ITGB6: variants seen among roughly 807,000 people sequenced by gnomAD.
ITGB6 encodes integrin subunit beta 6.
Under a neutral mutation model 84.5 loss-of-function variants are expected in ITGB6, and 80 were observed. The observed-to-expected ratio is 0.95, with a 90% CI of 0.79 to 1.14. The LOEUF is 1.14. ITGB6 is among the 50% of genes most tolerant of loss of function. The probability of loss-of-function intolerance (pLI) is 0.00; values close to 1 mark genes in which losing one functional copy is unlikely to be tolerated. For synonymous variants in ITGB6, 383 were observed against 354.9 expected (o/e 1.08, Z -0.89); for missense variants, 1,006 against 968.0 (o/e 1.04, Z -0.52).
intron 10 of ITGB6, among the ~76,000 whole-genome samples, chr2:160,130,465 T>C (rs541692509): frequency 6.6e-6 from 1 of 152,172 alleles, no homozygotes; most frequent in Non-Finnish European, 1.5e-5. Flanking sequence ...ATAACATTAC[T>C]GTAAGTCGAG....
intron 12 of ITGB6, among the ~76,000 whole-genome samples, chr2:160,121,401 T>C (rs927815983): frequency 6.6e-6 from 1 of 152,182 alleles, no homozygotes; most frequent in Non-Finnish European, 1.5e-5. Flanking sequence ...AGGGGCGCCT[T>C]TTTCTATGTA....
At chr2:160,102,038 T>A (rs567003978) in intron 14 of ITGB6, among the ~76,000 whole-genome samples, 8 of 152,334 alleles carry the variant, frequency 5.3e-5, no homozygotes, top group African/African-American at 1.9e-4. Context: ...AAGTCCCATA[T>A]GTATATTCTA....
At chr2:160,107,646 C>A in intron 14 of ITGB6, 33 bp downstream of exon 14, 1 of 1,606,680 alleles carries the variant, frequency 6.2e-7, no homozygotes, top group Non-Finnish European at 8.5e-7. Context: ...TCTTTCTCCC[C>A]TAGACAAGGA....
chr2:160,119,651 T>C (rs868561242), intron 12 of ITGB6, among the ~76,000 whole-genome samples: 3 of 151,918 alleles, frequency 2.0e-5, no homozygotes, highest in African/African-American at 4.8e-5. Flanking sequence ...GCAACAAAAG[T>C]CAAAATTAAC....
Position 160,126,523 on chromosome 2 carries a change from G to T in ITGB6, c.1739C>A (p.Thr580Lys), listed in dbSNP as rs769022285. ...TGEYCNCTTS[T>K]DSCVSEDGVL... ...TCCATCTTCAGAGACGCAGGAGTCCGTGCTGGTGGTGCAGTTGCAGTACTC... is the reference window on the plus strand; with the variant it reads ...TCCATCTTCAGAGACGCAGGAGTCCTTGCTGGTGGTGCAGTTGCAGTACTC... Residue 580 changes from threonine (T) to lysine (K), a missense_variant, in exon 11 of 15, where the codon ACG becomes AAG. Coordinates refer to ENST00000283249, the MANE Select transcript of ITGB6 (RefSeq NM_000888.5). The T allele has an allele frequency of 5.6e-6, 9 of 1,613,982 alleles. No individual in the cohort carries two copies. The highest frequency in any genetic ancestry group is 7.6e-6 in the Non-Finnish European group (9 of 1,180,020).
At chr2:160,170,760 T>C (rs1685171548) in intron 6 of ITGB6, among the ~76,000 whole-genome samples, 1 of 152,204 alleles carries the variant, frequency 6.6e-6, no homozygotes, top group Non-Finnish European at 1.5e-5. Context: ...GTCTCTGGCT[T>C]CTGTGGATTT....
At chr2:160,137,259 A>G (rs1683777112) in intron 10 of ITGB6, among the ~76,000 whole-genome samples, 175 bp downstream of exon 10, 1 of 152,166 alleles carries the variant, frequency 6.6e-6, no homozygotes, top group Non-Finnish European at 1.5e-5. Flanking sequence ...CCCCAAGTGA[A>G]TGTTAGAGCC....
chr2:160,143,700 A>G (rs1287435141), intron 7 of ITGB6, among the ~76,000 whole-genome samples: 2 of 152,184 alleles, frequency 1.3e-5, no homozygotes, highest in Non-Finnish European at 1.5e-5. Flanking sequence ...ATTCTATCTT[A>G]TTTAAAGAAG....
chr2:160,106,473 A>G (rs908828661), intron 14 of ITGB6, among the ~76,000 whole-genome samples: 3 of 152,146 alleles, frequency 2.0e-5, no homozygotes, highest in African/African-American at 7.2e-5. Context: ...AGCTCAAGTG[A>G]TCCAATCCTC....
At chr2:160,195,645 AG>A in intron 3 of ITGB6, 30 bp from the exon 4 acceptor site, 1 of 1,611,462 alleles carries the variant, frequency 6.2e-7, no homozygotes, top group Non-Finnish European at 8.5e-7. Flanking sequence ...AAGCAAACCC[AG>A]GAAAACACAC....
chr2:160,125,130 C>T (rs779001591), intron 11 of ITGB6, among the ~76,000 whole-genome samples: 2 of 92,262 alleles, frequency 2.2e-5, no homozygotes, highest in African/African-American at 4.0e-5. Context: ...AGATGTCTAT[C>T]TTTCCCACTA....
intron 10 of ITGB6, among the ~76,000 whole-genome samples, chr2:160,133,578 C>T (rs1011303093): frequency 1.4e-4 from 22 of 152,148 alleles, no homozygotes; most frequent in Non-Finnish European, 2.6e-4. Flanking sequence ...ACAGAACTCT[C>T]CACCCCAAAT....
intron 7 of ITGB6, among the ~76,000 whole-genome samples, chr2:160,163,267 T>C (rs1426047936): frequency 6.6e-6 from 1 of 152,204 alleles, no homozygotes; most frequent in African/African-American, 2.4e-5. Flanking sequence ...ACTGTGCAAT[T>C]TACAGGGAAT....
chr2:160,183,116 T>C (rs754795946), intron 4 of ITGB6, among the ~76,000 whole-genome samples: 1 of 152,104 alleles, frequency 6.6e-6, no homozygotes, highest in Non-Finnish European at 1.5e-5. Context: ...AGAATCACAA[T>C]GGTAGGATCA....
Position 160,200,163 on chromosome 2 carries a change from A to G in ITGB6, c.-100T>C. On this transcript the variant is annotated 5_prime_UTR_variant, in exon 1 of 15. Transcript: ENST00000283249. Reference sequence around the variant, plus strand: ...CGTTAAAGTCTTTCTTTCTTGAAGTATAACATTTTAAATACTACTTACACT... The same window carrying G: ...CGTTAAAGTCTTTCTTTCTTGAAGTGTAACATTTTAAATACTACTTACACT... 1.1e-6 allele frequency: 1 copy of G among 937,650 alleles called. No homozygotes were observed. The highest frequency in any genetic ancestry group is 1.7e-5 in the African/African-American group (1 of 59,934). The allele number at this position is 937,650 out of a possible 1,614,324, so 58.1% of individuals were successfully genotyped here.
chr2:160,192,355 A>G (rs961910056), intron 4 of ITGB6, among the ~76,000 whole-genome samples: 2 of 152,170 alleles, frequency 1.3e-5, no homozygotes, highest in African/African-American at 4.8e-5. Flanking sequence ...AGACATTAAG[A>G]TAACTCAATG....
intron 7 of ITGB6, among the ~76,000 whole-genome samples, chr2:160,168,217 C>T (rs569912824): frequency 1.6e-4 from 25 of 152,280 alleles, no homozygotes; most frequent in African/African-American, 6.0e-4. Context: ...ATAGCATCTC[C>T]TGCTGGATCC....
chr2:160,192,566 A>C (rs1164063289), intron 4 of ITGB6, among the ~76,000 whole-genome samples: 1 of 152,120 alleles, frequency 6.6e-6, no homozygotes, highest in African/African-American at 2.4e-5. Context: ...AGTAAGCAAA[A>C]ATTTCTTAGG....
intron 7 of ITGB6, among the ~76,000 whole-genome samples, chr2:160,156,577 A>C (rs1391841868): frequency 6.6e-6 from 1 of 151,950 alleles, no homozygotes; most frequent in Non-Finnish European, 1.5e-5. Flanking sequence ...AAAGGTACCC[A>C]AAACCTGCCT....
Sources: allele counts gnomAD v4.1 joint callset (sites outside exome capture counted in the v4.1 genomes callset), GRCh38; gene constraint gnomAD v4.1.1; transcripts MANE v1.5; gene names NCBI Gene and HGNC (gene_info 2026-07-23, HGNC 2026-07-21).